DDX19B: variants seen among roughly 807,000 people sequenced by gnomAD.
DDX19B encodes the protein DEAD-box helicase 19B.
Under a neutral mutation model 58.1 loss-of-function variants are expected in DDX19B, and 27 were observed. That is an observed-to-expected ratio of 0.46 (90% confidence interval 0.34 to 0.64). DDX19B has a LOEUF of 0.64. Among genes scored for constraint, DDX19B ranks in the 30% least tolerant of loss-of-function variants. The pLI is 0.01. For synonymous variants in DDX19B, 187 were observed against 214.4 expected, an observed-to-expected ratio of 0.87 and a Z score of 1.12; for missense variants, 399 against 596.5, an observed-to-expected ratio of 0.67 and a Z score of 3.45.
chr16:70,304,699 A>C (rs1278557428), intron 1 of DDX19B, among the ~76,000 whole-genome samples: 1 of 151,836 alleles, frequency 6.6e-6, no homozygotes, highest in Non-Finnish European at 1.5e-5. Context: ...TTCCAGCACC[A>C]TTCGTTTAAA....
At chr16:70,298,125 AGGCCGGGTGCAGT>A (rs1195393937), upstream of DDX19B, among the ~76,000 whole-genome samples, 1 of 152,148 alleles carries the variant, frequency 6.6e-6, no homozygotes, top group East Asian at 1.9e-4. Flanking sequence ...AAAAAACAAA[AGGCCGGGTGCAGT>A]GGCTCACGCC....
chr16:70,311,528 C>T (rs2152194302), intron 1 of DDX19B, among the ~76,000 whole-genome samples: 1 of 152,262 alleles, frequency 6.6e-6, no homozygotes, highest in Admixed American at 6.5e-5. Context: ...CGAAATAGGC[C>T]CTGTCAGGAA....
In DDX19B at chr16:70,333,850, A is replaced by G; in HGVS notation, c.*268A>G. On this transcript the variant is annotated 3_prime_UTR_variant, in exon 12 of 12. Transcript: ENST00000288071. The stretch of plus-strand genomic sequence containing the variant: ...GGAAGTTTCATCTTTTAATTTGGCC[A>G]GTGTTTCCTTCATGCTAATCTAGAT... 3.6e-6 allele frequency: 2 copies of G among 562,582 alleles called. No individual in the cohort carries two copies. Among genetic ancestry groups the G allele is most frequent in the South Asian group, 4.2e-5 (2 of 47,464 alleles). 34.8% of individuals were successfully genotyped at this position (562,582 alleles called of 1,614,324 possible).
At chr16:70,315,910 T>G in intron 3 of DDX19B, 59 bp from the exon 4 acceptor site, 2 of 1,583,598 alleles carry the variant, frequency 1.3e-6, no homozygotes, top group Non-Finnish European at 1.7e-6. Context: ...TGAATTAGAG[T>G]AAACGCCTGG....
chr16:70,312,744 G>A, intron 2 of DDX19B, 87 bp downstream of exon 2: 1 of 1,162,722 alleles, frequency 8.6e-7, no homozygotes, highest in South Asian at 1.3e-5. Context: ...AAAAAAATTT[G>A]TATTTGTACC....
At chr16:70,306,708 G>C (rs1464494523) in intron 1 of DDX19B, among the ~76,000 whole-genome samples, 1 of 152,186 alleles carries the variant, frequency 6.6e-6, no homozygotes, top group Admixed American at 6.6e-5. Context: ...TGCATTTTAT[G>C]AAACAGAATC....
chr16:70,292,374 C>T (rs560694755), upstream of DDX19B, among the ~76,000 whole-genome samples: 2 of 152,180 alleles, frequency 1.3e-5, no homozygotes, highest in East Asian at 3.9e-4. Context: ...CTTGAACTCC[C>T]GACCTCAGGT....
At chr16:70,303,810 C>T (rs567633867) in intron 1 of DDX19B, among the ~76,000 whole-genome samples, 1 of 152,078 alleles carries the variant, frequency 6.6e-6, no homozygotes, top group Non-Finnish European at 1.5e-5. Flanking sequence ...CCGCCCACCT[C>T]GGCCTCCCAA....
At chr16:70,328,807 G>A (rs1170854208) in intron 7 of DDX19B, among the ~76,000 whole-genome samples, 1 of 152,096 alleles carries the variant, frequency 6.6e-6, no homozygotes, top group East Asian at 1.9e-4. Context: ...TCCATTAAAT[G>A]CTATAGTGAT....
chr16:70,303,937 C>T (rs892348977), intron 1 of DDX19B, among the ~76,000 whole-genome samples: 1 of 152,106 alleles, frequency 6.6e-6, no homozygotes, highest in African/African-American at 2.4e-5. Context: ...AAGATTTTCT[C>T]CTGTGTTCTC....
At chr16:70,302,224 C>A (rs929089695) in intron 1 of DDX19B, among the ~76,000 whole-genome samples, 3 of 152,000 alleles carry the variant, frequency 2.0e-5, no homozygotes, top group Non-Finnish European at 4.4e-5. Context: ...CCTGGCCAGC[C>A]CTTTAATTTT....
At chr16:70,297,936 T>C (rs148450500), upstream of DDX19B, among the ~76,000 whole-genome samples, 549 of 152,230 alleles carry the variant, frequency 3.6e-3, 2 homozygotes, top group African/African-American at 0.012. Context: ...TGTTGTTGTT[T>C]TCAAACTCCT....
intron 5 of DDX19B, among the ~76,000 whole-genome samples, chr16:70,324,345 AGAGT>A (rs1460561025): frequency 1.4e-5 from 2 of 140,346 alleles, no homozygotes; most frequent in African/African-American, 5.5e-5. Flanking sequence ...CCTGGTCAAC[AGAGT>A]GAGACCTAAT....
At chr16:70,299,022 C>G, upstream of DDX19B, 1 of 701,786 alleles carries the variant, frequency 1.4e-6, no homozygotes, top group Non-Finnish European at 2.0e-6. Context: ...TTAACCAGAG[C>G]TTAGGCATTT....
At chr16:70,328,564 T>G (rs1175759613) in intron 7 of DDX19B, among the ~76,000 whole-genome samples, 1 of 151,812 alleles carries the variant, frequency 6.6e-6, no homozygotes, top group Non-Finnish European at 1.5e-5. Flanking sequence ...GGTTTCGCCA[T>G]GTTGGCCAGG....
At chr16:70,300,730 A>G (rs1239090392) in intron 1 of DDX19B, among the ~76,000 whole-genome samples, 2 of 151,536 alleles carry the variant, frequency 1.3e-5, no homozygotes, top group African/African-American at 4.8e-5. Flanking sequence ...AGGTCTCACT[A>G]TATTACCCAG....
chr16:70,294,652 C>A (rs1961155014), upstream of DDX19B: 3 of 439,888 alleles, frequency 6.8e-6, no homozygotes, highest in South Asian at 1.7e-4. Context: ...AGACATTTAG[C>A]AGGAAACAAA....
upstream of DDX19B, among the ~76,000 whole-genome samples, chr16:70,295,547 G>A (rs1432561175): frequency 6.6e-6 from 1 of 151,912 alleles, no homozygotes; most frequent in Non-Finnish European, 1.5e-5. Context: ...AATCGTGTAC[G>A]GGAAGGATAA....
intron 5 of DDX19B, among the ~76,000 whole-genome samples, chr16:70,323,968 A>G (rs1393873713): frequency 2.0e-5 from 3 of 152,124 alleles, no homozygotes; most frequent in African/African-American, 7.2e-5. Context: ...AGCACAGCCA[A>G]GGCAGAAGCC....
Sources: gnomAD v4.1 joint callset for allele counts (sites outside exome capture counted in the v4.1 genomes callset) on GRCh38, gnomAD v4.1.1 for gene constraint, MANE v1.5 for transcripts, NCBI Gene and HGNC (gene_info 2026-07-23, HGNC 2026-07-21) for gene names.